Variants in FTO observed in about 807,000 individuals in gnomAD.
The protein encoded by FTO is alpha-ketoglutarate-dependent dioxygenase FTO.
Under a neutral mutation model 63.9 loss-of-function variants are expected in FTO, and 47 were observed. The observed-to-expected ratio is 0.74, with a 90% CI of 0.58 to 0.94. The LOEUF is 0.94. FTO is among the 40% of genes least tolerant of loss of function. The pLI is 0.00. For missense variants in FTO, 562 were observed against 618.1 expected (o/e 0.91, Z 0.96); for synonymous variants, 207 against 224.4 (o/e 0.92, Z 0.69).
At chr16:53,947,797 A>G (rs1413583523) in intron 8 of FTO, among the ~76,000 whole-genome samples, 1 of 152,118 alleles carries the variant, frequency 6.6e-6, no homozygotes, top group Admixed American at 6.5e-5. Context: ...GCTTGTTTGT[A>G]TAGTTACTGT....
At chr16:54,084,414 G>A (rs1351031119) in intron 8 of FTO, among the ~76,000 whole-genome samples, 1 of 152,188 alleles carries the variant, frequency 6.6e-6, no homozygotes, top group Non-Finnish European at 1.5e-5. Context: ...TATACCAGAA[G>A]GAGCAGTTTG....
intron 2 of FTO, among the ~76,000 whole-genome samples, chr16:53,817,167 A>G (rs2078716980): frequency 6.6e-6 from 1 of 152,254 alleles, no homozygotes; most frequent in Admixed American, 6.5e-5. Context: ...TGTTAAATAA[A>G]CAAAATGAAA....
chr16:53,978,094 A>G (rs1255410541), intron 8 of FTO, among the ~76,000 whole-genome samples: 4 of 152,166 alleles, frequency 2.6e-5, no homozygotes, highest in African/African-American at 9.7e-5. Context: ...TTAGTATTTT[A>G]TAATGAGAAA....
intron 8 of FTO, among the ~76,000 whole-genome samples, chr16:54,044,241 C>A (rs2085135310): frequency 1.4e-5 from 1 of 69,592 alleles, no homozygotes; most frequent in South Asian, 5.5e-4. Flanking sequence ...CACATAGGCT[C>A]AAAATAAAAG....
intron 1 of FTO, among the ~76,000 whole-genome samples, chr16:53,754,800 C>T (rs2151581974): frequency 1.3e-5 from 2 of 152,344 alleles, no homozygotes; most frequent in South Asian, 4.1e-4. Context: ...TATTTACTTT[C>T]ATGATTATCC....
At chr16:54,008,724 G>A (rs572894053) in intron 8 of FTO, among the ~76,000 whole-genome samples, 38 of 151,370 alleles carry the variant, frequency 2.5e-4, no homozygotes, top group African/African-American at 9.0e-4. Flanking sequence ...ATCCACACAG[G>A]TATCTTCCAA....
At chr16:54,063,164 C>T (rs546582020) in intron 8 of FTO, among the ~76,000 whole-genome samples, 28 of 152,212 alleles carry the variant, frequency 1.8e-4, no homozygotes, top group East Asian at 9.7e-4. Flanking sequence ...GCTTACTTTC[C>T]GTTTTCCCCG....
At chr16:54,099,352 G>T (rs1355980048) in intron 8 of FTO, among the ~76,000 whole-genome samples, 1 of 152,174 alleles carries the variant, frequency 6.6e-6, no homozygotes, top group Non-Finnish European at 1.5e-5. Context: ...TGCAAGGAAA[G>T]TTACTCTAGA....
At chr16:54,009,035 A>T (rs766307526) in intron 8 of FTO, among the ~76,000 whole-genome samples, 146 of 151,904 alleles carry the variant, frequency 9.6e-4, no homozygotes, top group Non-Finnish European at 1.5e-3. Context: ...AAGTCTAGCA[A>T]CTTGAGTGTG....
intron 1 of FTO, among the ~76,000 whole-genome samples, chr16:53,710,954 T>C (rs1366499067): frequency 6.6e-6 from 1 of 152,218 alleles, no homozygotes; most frequent in Non-Finnish European, 1.5e-5. Context: ...CTCATTTACT[T>C]GCGCAAGCAA....
intron 8 of FTO, among the ~76,000 whole-genome samples, chr16:54,107,488 A>G (rs982364290): frequency 6.6e-6 from 1 of 152,224 alleles, no homozygotes; most frequent in Non-Finnish European, 1.5e-5. Context: ...ATTTGTCCCA[A>G]ATAGAAATAC....
At chr16:53,970,418 C>T (rs995826820) in intron 8 of FTO, among the ~76,000 whole-genome samples, 3 of 151,748 alleles carry the variant, frequency 2.0e-5, no homozygotes, top group Non-Finnish European at 2.9e-5. Context: ...GGAGAATCCC[C>T]ATCTCTACTA....
intron 1 of FTO, among the ~76,000 whole-genome samples, chr16:53,770,978 T>C (rs2077320385): frequency 6.6e-6 from 1 of 152,176 alleles, no homozygotes; most frequent in Admixed American, 6.5e-5. Context: ...TTACACACTT[T>C]GCTGTTGTCC....
chr16:53,789,222 A>G (rs139638095), intron 1 of FTO, among the ~76,000 whole-genome samples: 1 of 152,336 alleles, frequency 6.6e-6, no homozygotes, highest in Non-Finnish European at 1.5e-5. Flanking sequence ...ATGAACTGCA[A>G]CATGAGCTCA....
chr16:53,918,200 C>T (rs1010895222), intron 7 of FTO, among the ~76,000 whole-genome samples: 3 of 151,930 alleles, frequency 2.0e-5, no homozygotes, highest in South Asian at 2.1e-4. Flanking sequence ...GGATATTTTC[C>T]GGGAAATGTC....
At chr16:53,763,780 C>G (rs1399893876) in intron 1 of FTO, among the ~76,000 whole-genome samples, 1 of 152,108 alleles carries the variant, frequency 6.6e-6, no homozygotes, top group Non-Finnish European at 1.5e-5. Flanking sequence ...ATGTAGGAAC[C>G]CATTGCATAC....
In FTO at chr16:53,731,626, G is replaced by T. The variant is rs528206540; in HGVS notation, c.45+27397G>T. Among the ~76,000 whole-genome samples, 109 of 152,192 alleles carry T rather than the reference G, an allele frequency of 7.2e-4. 1 individual carries two copies. The highest frequency in any genetic ancestry group is 2.5e-3 in the African/African-American group (105 of 41,522). ...TCTGTAGCCCAGGCTGGAGTGCGGT[G>T]GCATATCGGCTCACTGCAACCTCCG... is the stretch of plus-strand genomic sequence containing the variant. On this transcript the variant is annotated intron_variant, in intron 1 of 8. Coordinates refer to ENST00000471389, the MANE Select transcript of FTO (RefSeq NM_001080432.3).
intron 1 of FTO, among the ~76,000 whole-genome samples, chr16:53,748,379 C>A (rs1347248252): frequency 1.3e-5 from 2 of 152,124 alleles, no homozygotes. Context: ...TCTTTTACCT[C>A]CTTGGTATTA....
At chr16:53,856,132 G>A (rs148034931) in intron 4 of FTO, among the ~76,000 whole-genome samples, 1 of 151,868 alleles carries the variant, frequency 6.6e-6, no homozygotes, top group Non-Finnish European at 1.5e-5. Flanking sequence ...TGTATATCCT[G>A]TGTGTGTTAT....
Sources: allele counts gnomAD v4.1 joint callset (sites outside exome capture counted in the v4.1 genomes callset), GRCh38; gene constraint gnomAD v4.1.1; transcripts MANE v1.5; gene names NCBI Gene and HGNC (gene_info 2026-07-23, HGNC 2026-07-21).